PROX1: variants seen among roughly 807,000 people sequenced by gnomAD.
The protein encoded by PROX1 is prospero homeobox protein 1.
A neutral mutation model predicts 58.8 loss-of-function variants in PROX1; 7 were observed. The observed-to-expected ratio is 0.12, with a 90% confidence interval of 0.07 to 0.22. PROX1 has a LOEUF of 0.22. Ranked by LOEUF, PROX1 falls within the 10% of genes least tolerant of loss-of-function variation. The probability of loss-of-function intolerance (pLI) is 1.00; values close to 1 mark genes in which losing one functional copy is unlikely to be tolerated. For missense variants in PROX1, 675 were observed against 927.8 expected (o/e 0.73, Z 3.54); for synonymous variants, 350 against 358.3 (o/e 0.98, Z 0.26).
intron 3 of PROX1, among the ~76,000 whole-genome samples, chr1:214,010,410 T>C (rs1380203908): frequency 6.6e-6 from 1 of 152,222 alleles, no homozygotes; most frequent in Admixed American, 6.5e-5. Context: ...ATACACACTT[T>C]AGCTGTCATC....
At chr1:214,017,520 TGA>T (rs1471246583) in intron 4 of PROX1, among the ~76,000 whole-genome samples, 1 of 151,988 alleles carries the variant, frequency 6.6e-6, no homozygotes, top group Non-Finnish European at 1.5e-5. Context: ...AACACACCAC[TGA>T]GAGGCCGTTT....
At chr1:214,023,168 G>C (rs764353389) in intron 4 of PROX1, among the ~76,000 whole-genome samples, 2 of 152,146 alleles carry the variant, frequency 1.3e-5, no homozygotes, top group African/African-American at 4.8e-5. Context: ...TTTATTTGTT[G>C]CCTTGGCCAG....
intron 4 of PROX1, among the ~76,000 whole-genome samples, chr1:214,027,784 T>C (rs1291368756): frequency 6.6e-6 from 1 of 152,114 alleles, no homozygotes; most frequent in Non-Finnish European, 1.5e-5. Flanking sequence ...ACTGAGTCTA[T>C]TGATTTCCTT....
upstream of PROX1, chr1:213,983,651 G>A (rs920352104): frequency 6.6e-6 from 1 of 152,240 alleles, no homozygotes; most frequent in African/African-American, 2.4e-5. Context: ...GTTGTAAATT[G>A]TGTAAATTCC....
At chr1:213,991,119 A>T (rs2102680866) in intron 1 of PROX1, among the ~76,000 whole-genome samples, 1 of 152,304 alleles carries the variant, frequency 6.6e-6, no homozygotes, top group Admixed American at 6.5e-5. Context: ...TAACTTGTCC[A>T]TGGGTTAAAA....
In PROX1 at chr1:214,040,177, C is replaced by T. The variant is rs1664965108; in HGVS notation, c.*4343C>T. The T allele has an allele frequency of 6.6e-6, 1 of 152,118 alleles. No individual in the cohort carries two copies. Among genetic ancestry groups the T allele is most frequent in the African/African-American group, 2.4e-5 (1 of 41,436 alleles). The allele number at this position is 152,118 out of a possible 1,614,324, so 9.4% of individuals were successfully genotyped here. Reference sequence around the variant, plus strand: ...GTTGAAGGAAATGCAGTTTTGTTTTCTGTAGATCTGTTGGTTGTAAACCAT... The same window carrying T: ...GTTGAAGGAAATGCAGTTTTGTTTTTTGTAGATCTGTTGGTTGTAAACCAT... On this transcript the variant is annotated 3_prime_UTR_variant, in exon 5 of 5. Transcript: ENST00000366958.
chr1:213,999,220 TCTCTC>T (rs1184934191), intron 2 of PROX1, among the ~76,000 whole-genome samples: 3 of 152,200 alleles, frequency 2.0e-5, no homozygotes, highest in Non-Finnish European at 4.4e-5. Context: ...GATTTTTTTT[TCTCTC>T]TGTATATCGG....
Position 213,998,210 on chromosome 1 carries a change from T to C in PROX1, c.1675T>C (p.Cys559Arg). The change falls in exon 2 of 5, where the codon TGC becomes CGC. Residue 559 changes from cysteine (C) to arginine (R), a missense_variant. This residue lies in a region of PROX1 where 39 missense variants were observed against 73.4 expected (regional missense o/e 0.53). Transcript: ENST00000366958. ...CTCCTTGTCGCTCATAAAGTCCGAG[T>C]GCGGCGATCTTCAAGATATGTCTGA... The part of the protein sequence containing the change: ...GLSLSLIKSE[C>R]GDLQDMSEIS... The C allele has an allele frequency of 1.9e-6, 3 of 1,603,632 alleles. No homozygotes were observed. Among genetic ancestry groups the C allele is most frequent in the African/African-American group, 1.3e-5 (1 of 74,492 alleles).
intron 4 of PROX1, among the ~76,000 whole-genome samples, chr1:214,017,821 C>A (rs958254537): frequency 2.6e-5 from 4 of 152,066 alleles, no homozygotes; most frequent in Non-Finnish European, 5.9e-5. Context: ...ACCCCTAAGG[C>A]CTTCATAATT....
chr1:214,001,148 T>C (rs1663496721), intron 2 of PROX1, among the ~76,000 whole-genome samples: 1 of 152,156 alleles, frequency 6.6e-6, no homozygotes, highest in African/African-American at 2.4e-5. Context: ...ATAAGAACTA[T>C]TAAGAACACC....
Position 213,997,926 on chromosome 1 carries a change from T to G in PROX1, c.1391T>G (p.Leu464Arg). ...GCCGCTGGCGGCCACCACCAGCCCC[T>G]GCACCAGTCGCCTCTCTCTGCCACC... ...GPAAGGHHQP[L>R]HQSPLSATTG... The change falls in exon 2 of 5, where the codon CTG becomes CGG. Residue 464 changes from leucine to arginine, a missense_variant. Physicochemically the swap from Leu to Arg is moderately radical, Grantham distance 102. This residue lies in a region of PROX1 where 403 missense variants were observed against 477.4 expected (regional missense o/e 0.84). Coordinates refer to ENST00000366958, the MANE Select transcript of PROX1 (RefSeq NM_001270616.2). This position sits in a 1 kb window ranked among gnomAD's most constrained non-coding sequence, Gnocchi z 7.1. 3 of 1,613,684 alleles carry G rather than the reference T, an allele frequency of 1.9e-6. No homozygotes were observed. Among genetic ancestry groups the G allele is most frequent in the Non-Finnish European group, 2.5e-6 (3 of 1,179,766 alleles).
intron 4 of PROX1, among the ~76,000 whole-genome samples, chr1:214,017,766 G>A (rs1463033048): frequency 6.6e-6 from 1 of 152,080 alleles, no homozygotes; most frequent in African/African-American, 2.4e-5. Context: ...CAGAGGTAGC[G>A]GCTGTGGTGC....
At chr1:213,998,966 G>A (rs1309311038) in intron 2 of PROX1, among the ~76,000 whole-genome samples, 1 of 152,144 alleles carries the variant, frequency 6.6e-6, no homozygotes, top group Admixed American at 6.5e-5. Context: ...TGGGTCTGGT[G>A]CAGCTGCCTC....
rs1662878605 is a variant in PROX1 at position 213,988,198 on chromosome 1, C to T, written c.-353C>T. The T allele has an allele frequency of 6.6e-6, 1 of 152,484 alleles. No individual in the cohort carries two copies. The highest frequency in any genetic ancestry group is 1.9e-4 in the East Asian group (1 of 5,140). 9.4% of individuals were successfully genotyped at this position (152,484 alleles called of 1,614,324 possible). ...TTAGCTCCTCTTCTTTTCTTCTCCT[C>T]TTCTTCCCTCTCCTCGCCTCTCCCC... is the stretch of plus-strand genomic sequence containing the variant. On this transcript the variant is annotated 5_prime_UTR_variant, in exon 1 of 5. Coordinates refer to ENST00000366958, the MANE Select transcript of PROX1 (RefSeq NM_001270616.2).
intron 4 of PROX1, among the ~76,000 whole-genome samples, chr1:214,022,722 T>C (rs1489723617): frequency 6.6e-6 from 1 of 152,136 alleles, no homozygotes; most frequent in Non-Finnish European, 1.5e-5. Context: ...TTTTGGAAAG[T>C]GATAAGATTA....
chr1:213,998,011 A>G lies in PROX1; in HGVS notation c.1476A>G (p.Pro492=). The change falls in exon 2 of 5, where the codon CCA becomes CCG. Residue 492 remains proline (P), a synonymous_variant. Coordinates refer to ENST00000366958, the MANE Select transcript of PROX1 (RefSeq NM_001270616.2). ...HPFPLPLMAY[P]FQSPLGAPSG... ...TCCCCCTTCCCTTGATGGCCTATCC[A>G]TTTCAGAGCCCATTAGGTGCTCCCT... 2 of 1,612,852 alleles carry G rather than the reference A, an allele frequency of 1.2e-6. No individual in the cohort carries two copies. Among genetic ancestry groups the G allele is most frequent in the Non-Finnish European group, 1.7e-6 (2 of 1,179,334 alleles).
Position 213,997,954 on chromosome 1 carries a change from G to C in PROX1, c.1419G>C (p.Thr473=). 2 of 1,613,896 alleles carry C rather than the reference G, an allele frequency of 1.2e-6. No individual in the cohort carries two copies. The highest frequency in any genetic ancestry group is 1.7e-6 in the Non-Finnish European group (2 of 1,179,880). ...PLHQSPLSAT[T]GFTTSTFRHP... ...ACCAGTCGCCTCTCTCTGCCACCAC[G>C]GGCTTCACCACGTCCACCTTCCGCC... Residue 473 remains threonine (T), a synonymous_variant, in exon 2 of 5, where the codon ACG becomes ACC. Coordinates refer to ENST00000366958, the MANE Select transcript of PROX1 (RefSeq NM_001270616.2). This position sits in a 1 kb window ranked among gnomAD's most constrained non-coding sequence, Gnocchi z 7.1.
At chr1:214,008,780 C>T (rs1307262982) in intron 3 of PROX1, among the ~76,000 whole-genome samples, 2 of 152,158 alleles carry the variant, frequency 1.3e-5, no homozygotes, top group African/African-American at 4.8e-5. Context: ...AAACCAGGGC[C>T]GACCTAGTTT....
At chr1:214,001,389 T>C (rs1341672163) in intron 2 of PROX1, among the ~76,000 whole-genome samples, 1 of 152,234 alleles carries the variant, frequency 6.6e-6, no homozygotes, top group Non-Finnish European at 1.5e-5. Flanking sequence ...TTTATTCAAA[T>C]TCCAAAAGAA....
Sources: gnomAD v4.1 joint callset for allele counts (sites outside exome capture counted in the v4.1 genomes callset) on GRCh38, gnomAD v4.1.1 for gene constraint, gnomAD v4.1.1 regional missense constraint, Gnocchi (gnomAD v3.1) non-coding constraint, MANE v1.5 for transcripts, NCBI Gene and HGNC (gene_info 2026-07-23, HGNC 2026-07-21) for gene names.